The following SLC23A2 variants were observed in gnomAD, a reference collection of about 807,000 sequenced individuals.
SLC23A2 encodes solute carrier family 23 member 2, also known as Na(+)/L-ascorbic acid transporter 2.
SLC23A2 carries 36 observed loss-of-function variants against 73.3 expected under a neutral mutation model. The observed-to-expected ratio is 0.49, with a 90% confidence interval of 0.38 to 0.65. The LOEUF (loss-of-function observed/expected upper bound fraction) is 0.65, where lower values mean the gene tolerates loss of function less well. Among genes scored for constraint, SLC23A2 ranks in the 30% least tolerant of loss-of-function variants. The pLI is 0.00. For synonymous variants in SLC23A2, 343 were observed against 327.3 expected (o/e 1.05, Z -0.52); for missense variants, 507 against 841.6 (o/e 0.60, Z 4.92).
At position 4,872,560 on chromosome 20, in the gene SLC23A2, A is replaced by G. The variant is rs1425191927; in HGVS notation, c.1102+1376T>C. Among the ~76,000 whole-genome samples the G allele has an allele frequency of 1.3e-5, 2 of 151,968 alleles. No individual in the cohort carries two copies. Among genetic ancestry groups the G allele is most frequent in the Non-Finnish European group, 2.9e-5 (2 of 68,000 alleles). ...GCACAAGCAGAAGACCACCTTGTAT[A>G]CGCTGTGGGGGCTTCTACCTACCTG... On this transcript the variant is annotated intron_variant, in intron 11 of 16. Transcript: ENST00000338244. The surrounding 1 kb of genome is among the most constrained non-coding windows in gnomAD (Gnocchi z 4.4).
intron 13 of SLC23A2, among the ~76,000 whole-genome samples, chr20:4,864,072 C>T (rs1323277467): frequency 2.6e-5 from 4 of 152,206 alleles, no homozygotes; most frequent in Non-Finnish European, 2.9e-5. Context: ...AGGAATCCTG[C>T]ACTATGGGCC....
chr20:4,991,557 A>C (rs979612196), intron 1 of SLC23A2, among the ~76,000 whole-genome samples: 4 of 152,068 alleles, frequency 2.6e-5, no homozygotes, highest in African/African-American at 9.7e-5. Context: ...CCCCATCTCT[A>C]CTAAAAATAC....
intron 1 of SLC23A2, among the ~76,000 whole-genome samples, chr20:5,009,056 T>C (rs2088221186): frequency 6.6e-6 from 1 of 152,196 alleles, no homozygotes; most frequent in South Asian, 2.1e-4. Flanking sequence ...AAATTAGCCA[T>C]GCCCTCAAAA....
At chr20:4,983,641 G>A (rs1440053616) in intron 1 of SLC23A2, among the ~76,000 whole-genome samples, 3 of 106,024 alleles carry the variant, frequency 2.8e-5, no homozygotes, top group East Asian at 3.6e-4. Context: ...GCAAGACTCC[G>A]TCTTTAAAAA....
At chr20:5,007,093 T>C (rs2088200071) in intron 1 of SLC23A2, among the ~76,000 whole-genome samples, 2 of 152,068 alleles carry the variant, frequency 1.3e-5, no homozygotes, top group African/African-American at 2.4e-5. Context: ...GAATGATCTA[T>C]GAGATAGGCA....
At chr20:4,988,466 A>G (rs962081359) in intron 1 of SLC23A2, among the ~76,000 whole-genome samples, 2 of 151,604 alleles carry the variant, frequency 1.3e-5, no homozygotes, top group African/African-American at 4.8e-5. Context: ...GGCTGGACAC[A>G]GTGGCTCACA....
intron 1 of SLC23A2, among the ~76,000 whole-genome samples, chr20:4,982,645 A>G (rs1025380282): frequency 5.3e-5 from 8 of 150,452 alleles, no homozygotes; most frequent in South Asian, 2.1e-4. Context: ...ACAGTGTGGT[A>G]TAAGTACATA....
upstream of SLC23A2, among the ~76,000 whole-genome samples, chr20:5,004,948 G>A (rs1196746113): frequency 1.3e-5 from 2 of 151,650 alleles, no homozygotes; most frequent in African/African-American, 4.8e-5. Context: ...GCGGTGAGCC[G>A]AGATTGTGCC....
At chr20:4,977,682 A>G (rs1655345095) in intron 1 of SLC23A2, among the ~76,000 whole-genome samples, 2 of 148,632 alleles carry the variant, frequency 1.3e-5, no homozygotes, top group African/African-American at 2.5e-5. Flanking sequence ...TGGGTGACAG[A>G]GCGAGACTCT....
At chr20:4,963,447 G>C (rs1226506718) in intron 2 of SLC23A2, among the ~76,000 whole-genome samples, 3 of 152,024 alleles carry the variant, frequency 2.0e-5, no homozygotes, top group Admixed American at 2.0e-4. Flanking sequence ...AAAGTAGTCT[G>C]CATGGCTATA....
intron 13 of SLC23A2, among the ~76,000 whole-genome samples, chr20:4,866,521 G>A (rs1434382547): frequency 2.0e-5 from 3 of 152,274 alleles, no homozygotes; most frequent in South Asian, 2.1e-4. Flanking sequence ...CCTCCAGGAT[G>A]GCGCTAGAGG....
At chr20:4,881,836 T>C (rs1827479203) in intron 9 of SLC23A2, among the ~76,000 whole-genome samples, 1 of 152,230 alleles carries the variant, frequency 6.6e-6, no homozygotes, top group African/African-American at 2.4e-5. Context: ...CTATCAGTAA[T>C]TAATTGCAAA....
At chr20:4,972,593 G>C (rs899890141) in intron 1 of SLC23A2, among the ~76,000 whole-genome samples, 3 of 150,862 alleles carry the variant, frequency 2.0e-5, no homozygotes, top group African/African-American at 7.3e-5. Flanking sequence ...TGTTGTTGTT[G>C]TTGTTTTAAA....
chr20:4,992,360 T>TAATC (rs2087939126), intron 1 of SLC23A2, among the ~76,000 whole-genome samples: 1 of 152,028 alleles, frequency 6.6e-6, no homozygotes, highest in Non-Finnish European at 1.5e-5. Flanking sequence ...AGGGGACAAA[T>TAATC]AATCCTTACT....
chr20:4,894,722 G>A (rs969171658), intron 6 of SLC23A2, among the ~76,000 whole-genome samples: 1 of 150,848 alleles, frequency 6.6e-6, no homozygotes, highest in Non-Finnish European at 1.5e-5. Flanking sequence ...CCTTTCGTCT[G>A]CAAAGACACA....
At position 4,903,589 on chromosome 20, in the gene SLC23A2, G is replaced by A. The variant is rs151106817; in HGVS notation, c.208-1031C>T. ...TGTTCCACCCACATGGAGGCAACAG[G>A]GGTTTGGGGTTTGGGGCCCAATACC... On this transcript the variant is annotated intron_variant, in intron 4 of 16. Coordinates refer to ENST00000338244, the MANE Select transcript of SLC23A2 (RefSeq NM_005116.6). 7.3e-3 allele frequency among the ~76,000 whole-genome samples: 1,107 copies of A among 152,260 alleles called. 11 individuals carry two copies. The highest frequency in any genetic ancestry group is 0.025 in the African/African-American group (1,033 of 41,528).
intron 3 of SLC23A2, among the ~76,000 whole-genome samples, chr20:4,930,997 T>C: frequency 6.8e-6 from 1 of 147,872 alleles, no homozygotes. Flanking sequence ...TTAAGAAAAG[T>C]TATTTTCTTA....
chr20:4,991,332 C>A (rs1405387555), intron 1 of SLC23A2, among the ~76,000 whole-genome samples: 1 of 152,172 alleles, frequency 6.6e-6, no homozygotes, highest in African/African-American at 2.4e-5. Flanking sequence ...CTGGTCTTAA[C>A]CTCCTGACCT....
chr20:5,004,043 CT>C (rs1373096113), upstream of SLC23A2, among the ~76,000 whole-genome samples: 11 of 152,230 alleles, frequency 7.2e-5, no homozygotes, highest in African/African-American at 2.2e-4. Flanking sequence ...CCTTTCTCCC[CT>C]GCCCTCTCCT....
Sources: allele counts gnomAD v4.1 joint callset (sites outside exome capture counted in the v4.1 genomes callset), GRCh38; gene constraint gnomAD v4.1.1; non-coding constraint Gnocchi (gnomAD v3.1); transcripts MANE v1.5; gene names NCBI Gene and HGNC (gene_info 2026-07-23, HGNC 2026-07-21).